Variants in RASA2 observed in about 807,000 individuals in gnomAD.
RASA2 encodes RAS p21 protein activator 2.
A neutral mutation model predicts 118.2 loss-of-function variants in RASA2; 155 were observed. That is an observed-to-expected ratio of 1.31 (90% CI 1.15 to 1.50). The LOEUF is 1.50. Among genes scored for constraint, RASA2 ranks in the 40% most tolerant of loss-of-function variants. The pLI, the probability that RASA2 is intolerant of heterozygous loss-of-function variation, is 0.00. For missense variants in RASA2, 1,016 were observed against 1,009.6 expected (o/e 1.01, Z -0.09); for synonymous variants, 353 against 349.1 (o/e 1.01, Z -0.12).
intron 4 of RASA2, among the ~76,000 whole-genome samples, chr3:141,538,443 A>G (rs9836050): frequency 0.25 from 37,629 of 152,006 alleles, 5,315 homozygotes; most frequent in Non-Finnish European, 0.32. Context: ...AACCAAAGGT[A>G]TCTTCTATCA....
At chr3:141,506,761 A>G (rs543224411) in intron 1 of RASA2, among the ~76,000 whole-genome samples, 1 of 152,038 alleles carries the variant, frequency 6.6e-6, no homozygotes, top group Non-Finnish European at 1.5e-5. Flanking sequence ...TAAAATACAA[A>G]GCAAATTAGT....
At chr3:141,553,821 A>C in intron 5 of RASA2, 36 bp from the exon 6 acceptor site, 1 of 1,582,002 alleles carries the variant, frequency 6.3e-7, no homozygotes, top group Non-Finnish European at 8.6e-7. Flanking sequence ...GTTTAACTGG[A>C]ATCTAATATG....
rs2083708879 is a variant in RASA2, at chr3:141,615,093, C to G, written c.*2780C>G. ...CTCATTCTAGAGTTAAATTACCAAT[C>G]TTGGTTGATATTATCTGCTTCCATT... is the stretch of plus-strand genomic sequence containing the variant. On this transcript the variant is annotated 3_prime_UTR_variant, in exon 24 of 24. Coordinates refer to ENST00000286364, the MANE Select transcript of RASA2 (RefSeq NM_006506.5). 1 of 152,106 alleles carries G rather than the reference C, an allele frequency of 6.6e-6. No homozygotes were observed. Among genetic ancestry groups the G allele is most frequent in the Non-Finnish European group, 1.5e-5 (1 of 68,018 alleles). The allele number at this position is 152,106 out of a possible 1,614,324, so 9.4% of individuals were successfully genotyped here. A position where few individuals can be genotyped will look rare whatever the true frequency, so the allele number is the denominator to read the frequency against.
At chr3:141,531,455 CAT>C (rs1209752014) in intron 4 of RASA2, among the ~76,000 whole-genome samples, 1 of 150,344 alleles carries the variant, frequency 6.7e-6, no homozygotes, top group African/African-American at 2.4e-5. Context: ...TGTATATATG[CAT>C]ATGTGTGTAT....
chr3:141,503,329 C>T (rs1392609412), intron 1 of RASA2, among the ~76,000 whole-genome samples: 1 of 152,156 alleles, frequency 6.6e-6, no homozygotes, highest in Admixed American at 6.5e-5. Flanking sequence ...ACATCAGAAT[C>T]TCTACCTTTG....
At chr3:141,585,144 A>G (rs889893147) in intron 17 of RASA2, among the ~76,000 whole-genome samples, 4 of 152,208 alleles carry the variant, frequency 2.6e-5, no homozygotes, top group Non-Finnish European at 5.9e-5. Context: ...TCACAATCTT[A>G]TATGTAAAAT....
At chr3:141,502,456 T>C (rs2081798031) in intron 1 of RASA2, among the ~76,000 whole-genome samples, 1 of 152,164 alleles carries the variant, frequency 6.6e-6, no homozygotes, top group Non-Finnish European at 1.5e-5. Context: ...TTTATAATCT[T>C]TTCCCTCTCA....
At chr3:141,553,775 T>A in intron 5 of RASA2, 82 bp from the exon 6 acceptor site, 1 of 1,534,746 alleles carries the variant, frequency 6.5e-7, no homozygotes, top group Non-Finnish European at 8.8e-7. Context: ...ACCTTTTGAA[T>A]GTATTAGTTT....
intron 4 of RASA2, among the ~76,000 whole-genome samples, chr3:141,539,292 T>G (rs79919081): frequency 0.031 from 4,683 of 152,300 alleles, 237 homozygotes; most frequent in African/African-American, 0.1. Context: ...TTAATTTAGT[T>G]CCAGCTCCAC....
At chr3:141,573,012 T>A in intron 12 of RASA2, 135 bp from the exon 13 acceptor site, 1 of 745,384 alleles carries the variant, frequency 1.3e-6, no homozygotes, top group South Asian at 2.1e-5. Context: ...GTATATGTTA[T>A]CCCTGCATAG....
intron 5 of RASA2, among the ~76,000 whole-genome samples, chr3:141,551,423 C>G (rs1270416318): frequency 6.6e-6 from 1 of 152,148 alleles, no homozygotes; most frequent in Non-Finnish European, 1.5e-5. Context: ...GTTCTTTCCC[C>G]AGCCTCAGAT....
At chr3:141,545,889 T>A (rs917213666) in intron 5 of RASA2, among the ~76,000 whole-genome samples, 1 of 152,198 alleles carries the variant, frequency 6.6e-6, no homozygotes, top group Non-Finnish European at 1.5e-5. Flanking sequence ...AAAACTTTGT[T>A]CTACTCTCTG....
chr3:141,592,807 C>A (rs1299455406), intron 19 of RASA2, among the ~76,000 whole-genome samples: 1 of 150,288 alleles, frequency 6.7e-6, no homozygotes, highest in East Asian at 2.0e-4. Context: ...ATAAAGAACT[C>A]TTTTTGAGGA....
chr3:141,544,453 A>T (rs1019323462), intron 5 of RASA2, among the ~76,000 whole-genome samples: 2 of 151,888 alleles, frequency 1.3e-5, no homozygotes, highest in African/African-American at 4.8e-5. Flanking sequence ...TTTTCCCCCC[A>T]GTCTATTTTC....
intron 17 of RASA2, among the ~76,000 whole-genome samples, chr3:141,582,542 G>A (rs2083131860): frequency 6.6e-6 from 1 of 152,128 alleles, no homozygotes; most frequent in Non-Finnish European, 1.5e-5. Flanking sequence ...AATGTTTAGA[G>A]TTGATAATGT....
intron 4 of RASA2, among the ~76,000 whole-genome samples, chr3:141,530,049 C>G (rs1398094448): frequency 6.6e-6 from 1 of 152,054 alleles, no homozygotes; most frequent in African/African-American, 2.4e-5. Flanking sequence ...TTCTTACCTT[C>G]TGTTTGAGTC....
At chr3:141,580,081 AAAAAATATAT>A (rs1421970762) in intron 15 of RASA2, among the ~76,000 whole-genome samples, 12 of 95,592 alleles carry the variant, frequency 1.3e-4, no homozygotes, top group African/African-American at 4.5e-4. Flanking sequence ...AAAAAAAAAA[AAAAAATATAT>A]ATATATATAT....
intron 15 of RASA2, 80 bp downstream of exon 15, chr3:141,577,186 T>C: frequency 9.4e-7 from 1 of 1,063,678 alleles, no homozygotes; most frequent in Non-Finnish European, 1.3e-6. Flanking sequence ...ATAAACCAAT[T>C]TCACTAGGCT....
chr3:141,525,315 C>CT lies in RASA2; in HGVS notation c.356-4382dup, dbSNP rs1012163117. ...TGTTGGGACGTTTGTTTCTTGTTGA[C>CT]TTTTTTTTTTTAAGAGTTGGGGGTC... On this transcript the variant is annotated intron_variant, in intron 3 of 23. Coordinates refer to ENST00000286364, the MANE Select transcript of RASA2 (RefSeq NM_006506.5). 6.8e-3 allele frequency: 990 copies of CT among 144,832 alleles called. 12 individuals are homozygous for CT. Among genetic ancestry groups the CT allele is most frequent in the African/African-American group, 0.023 (927 of 39,690 alleles). The allele number at this position is 144,832 out of a possible 1,614,324, so 9.0% of individuals were successfully genotyped here.
Sources: gnomAD v4.1 joint callset for allele counts (sites outside exome capture counted in the v4.1 genomes callset) on GRCh38, gnomAD v4.1.1 for gene constraint, MANE v1.5 for transcripts, NCBI Gene and HGNC (gene_info 2026-07-23, HGNC 2026-07-21) for gene names.